ATP13A4: variants seen among roughly 807,000 people sequenced by gnomAD.
ATP13A4 encodes ATPase 13A4.
ATP13A4 carries 114 observed loss-of-function variants against 142.5 expected under a neutral mutation model. The ratio of observed to expected loss-of-function variants is 0.80; its 90% CI spans 0.69 to 0.93. The LOEUF (loss-of-function observed/expected upper bound fraction) is 0.93. Ranked by LOEUF, ATP13A4 falls within the 40% of genes least tolerant of loss-of-function variation. The probability of loss-of-function intolerance (pLI) is 0.00; values close to 1 mark genes in which losing one functional copy is unlikely to be tolerated. For synonymous variants in ATP13A4, 488 were observed against 514.8 expected (o/e 0.95, Z 0.70); for missense variants, 1,392 against 1,454.0 (o/e 0.96, Z 0.69).
chr3:193,580,483 T>C (rs1724514864), intron 2 of ATP13A4, among the ~76,000 whole-genome samples: 1 of 152,190 alleles, frequency 6.6e-6, no homozygotes, highest in Non-Finnish European at 1.5e-5. Context: ...CTGGTCCTTC[T>C]GCAAGGCACA....
chr3:193,448,157 A>C (rs1281314169), intron 18 of ATP13A4, 49 bp downstream of exon 18: 1 of 1,607,712 alleles, frequency 6.2e-7, no homozygotes, highest in East Asian at 2.2e-5. Context: ...AACCATGTCT[A>C]TTTCCACATC....
In ATP13A4 at chr3:193,554,792, T is replaced by G. The variant is rs1325480120; in HGVS notation, c.8A>C (p.His3Pro). The G allele has an allele frequency of 6.2e-7, 1 of 1,613,952 alleles. No individual in the cohort carries two copies. The highest frequency in any genetic ancestry group is 1.7e-5 in the Admixed American group (1 of 59,988). ...CAGAGCGTGCTGGCCCTTCTCAAAG[T>G]GTCCCATGAAAAAGTTATTCCACAC... Reference protein sequence around the residue: MGHFEKGQHALLN... With the variant: MGPFEKGQHALLN... The change falls in exon 1 of 30, where the codon CAC (histidine) becomes CCC (proline). Residue 3 changes from histidine to proline, a missense_variant. Coordinates refer to ENST00000342695, the MANE Select transcript of ATP13A4 (RefSeq NM_032279.4).
chr3:193,505,652 T>C (rs1720825250), intron 2 of ATP13A4, among the ~76,000 whole-genome samples: 1 of 152,200 alleles, frequency 6.6e-6, no homozygotes, highest in Non-Finnish European at 1.5e-5. Flanking sequence ...GACAGCTAGA[T>C]GACCCTTTTG....
At chr3:193,445,822 C>T (rs2108626766) in intron 18 of ATP13A4, among the ~76,000 whole-genome samples, 1 of 152,038 alleles carries the variant, frequency 6.6e-6, no homozygotes, top group East Asian at 1.9e-4. Context: ...CCACCCCACA[C>T]ACGATTTAAG....
intron 7 of ATP13A4, among the ~76,000 whole-genome samples, chr3:193,485,758 G>T (rs976410600): frequency 6.6e-6 from 1 of 151,984 alleles, no homozygotes; most frequent in East Asian, 1.9e-4. Context: ...TTATAGAAGA[G>T]ACCCAGGAGA....
chr3:193,538,896 T>C (rs558578418), intron 1 of ATP13A4, among the ~76,000 whole-genome samples: 3 of 147,610 alleles, frequency 2.0e-5, no homozygotes, highest in African/African-American at 5.0e-5. Flanking sequence ...TTTTTTCTTT[T>C]TTTTTTTTTT....
intron 1 of ATP13A4, among the ~76,000 whole-genome samples, chr3:193,585,145 C>T (rs35639678): frequency 0.12 from 17,809 of 152,178 alleles, 1,337 homozygotes; most frequent in Non-Finnish European, 0.17. Context: ...TGACCAGGCA[C>T]GGTGGCTCAC....
intron 9 of ATP13A4, among the ~76,000 whole-genome samples, chr3:193,470,309 C>A (rs1052203389): frequency 6.6e-6 from 1 of 152,156 alleles, no homozygotes; most frequent in African/African-American, 2.4e-5. Context: ...AGCTCCAGCA[C>A]TGCCATTTGA....
chr3:193,472,067 TG>T (rs1718660938), intron 8 of ATP13A4, among the ~76,000 whole-genome samples: 1 of 152,066 alleles, frequency 6.6e-6, no homozygotes, highest in African/African-American at 2.4e-5. Context: ...TGAGGGGCAG[TG>T]GGAGCATCAG....
intron 25 of ATP13A4, among the ~76,000 whole-genome samples, chr3:193,422,029 T>G (rs7637220): frequency 6.7e-6 from 1 of 148,550 alleles, no homozygotes; most frequent in Non-Finnish European, 1.5e-5. Flanking sequence ...ACAAGACTCA[T>G]CTACATAATG....
At chr3:193,417,880 T>C (rs796863399) in intron 25 of ATP13A4, among the ~76,000 whole-genome samples, 6 of 145,778 alleles carry the variant, frequency 4.1e-5, no homozygotes, top group Non-Finnish European at 7.5e-5. Context: ...CCCAGCACTT[T>C]GGGAGGCCAA....
chr3:193,495,129 C>T lies in ATP13A4; in HGVS notation c.382-1969G>A, dbSNP rs539164784. Among the ~76,000 whole-genome samples, 6 of 152,132 alleles carry T rather than the reference C, an allele frequency of 3.9e-5. No homozygotes were observed. The East Asian group carries it at 1.2e-3, about 29-fold the overall frequency. On this transcript the variant is annotated intron_variant, in intron 3 of 29. Coordinates refer to ENST00000342695, the MANE Select transcript of ATP13A4 (RefSeq NM_032279.4). ...TAAAAAGTCTTGCATCAAAGAAAAG[C>T]TCAGTACCTGATGGCTTCACTGCTG...
chr3:193,452,130 T>C (rs1242019376), intron 17 of ATP13A4, among the ~76,000 whole-genome samples: 1 of 152,236 alleles, frequency 6.6e-6, no homozygotes, highest in Non-Finnish European at 1.5e-5. Context: ...TTGCAACTTG[T>C]AATATGCAAA....
chr3:193,440,577 CCA>C lies in ATP13A4; in HGVS notation c.2498_2499del (p.Val833GlyfsTer15). The C allele has an allele frequency of 6.2e-7, 1 of 1,613,998 alleles. No individual in the cohort carries two copies. On this transcript the variant is annotated frameshift_variant, in exon 21 of 30. Coordinates refer to ENST00000342695, the MANE Select transcript of ATP13A4 (RefSeq NM_032279.4). LOFTEE classifies it high-confidence loss of function. Reference protein sequence around the residue: ...RMSPGQKSSLVEEFQKLDYFV... With the variant: ...RMSPGQKSSLXEEFQKLDYFV... ...ACCTACTCCAGTTTCTGAAATTCTTCCACCAGACTGGACTTCTGCCCAGGAGA... is the reference window on the plus strand; with the variant it reads ...ACCTACTCCAGTTTCTGAAATTCTTCCCAGACTGGACTTCTGCCCAGGAGA...
rs574156952 is a variant in ATP13A4 at position 193,426,533 on chromosome 3, A to G, written c.2842+7312T>C. ...AGTCCTCAGATTTATATGAAATTATAAGAGTCCCTAAATCGTTTCTAAAAA... is the reference window on the plus strand; with the variant it reads ...AGTCCTCAGATTTATATGAAATTATGAGAGTCCCTAAATCGTTTCTAAAAA... On this transcript the variant is annotated intron_variant, in intron 25 of 29. Coordinates refer to ENST00000342695, the MANE Select transcript of ATP13A4 (RefSeq NM_032279.4). Among the ~76,000 whole-genome samples the G allele has an allele frequency of 2.0e-4, 31 of 152,000 alleles. 1 individual carries two copies. The South Asian group carries it at 6.4e-3, about 32-fold the overall frequency.
intron 12 of ATP13A4, among the ~76,000 whole-genome samples, chr3:193,464,685 T>C (rs1460798607): frequency 6.6e-6 from 1 of 152,178 alleles, no homozygotes; most frequent in Admixed American, 6.5e-5. Context: ...GATGCTACTT[T>C]AATTGCTTTT....
chr3:193,562,250 G>A (rs964027869), intron 2 of ATP13A4, among the ~76,000 whole-genome samples: 3 of 152,174 alleles, frequency 2.0e-5, no homozygotes, highest in African/African-American at 4.8e-5. Context: ...TTTGATGAGT[G>A]TGGGTTATGT....
intron 2 of ATP13A4, among the ~76,000 whole-genome samples, chr3:193,512,602 A>G (rs1169906259): frequency 1.3e-5 from 2 of 152,190 alleles, no homozygotes; most frequent in Non-Finnish European, 2.9e-5. Flanking sequence ...GTTAAAATGC[A>G]AATTCTTGGG....
intron 8 of ATP13A4, among the ~76,000 whole-genome samples, chr3:193,475,962 T>C (rs1427237637): frequency 1.3e-5 from 2 of 151,980 alleles, no homozygotes; most frequent in African/African-American, 2.4e-5. Flanking sequence ...CTTCCTGTCA[T>C]TGAGAACCAG....
Sources: gnomAD v4.1 joint callset for allele counts (sites outside exome capture counted in the v4.1 genomes callset) on GRCh38, gnomAD v4.1.1 for gene constraint, MANE v1.5 for transcripts, NCBI Gene and HGNC (gene_info 2026-07-23, HGNC 2026-07-21) for gene names.